The following NRF1 variants were observed in gnomAD, a reference collection of about 807,000 sequenced individuals.
NRF1 encodes the protein nuclear respiratory factor 1.
Under a neutral mutation model 58.5 loss-of-function variants are expected in NRF1, and 5 were observed. That is an observed-to-expected ratio of 0.09 (90% CI 0.04 to 0.18). NRF1 has a LOEUF of 0.18. NRF1 is among the 10% of genes least tolerant of loss of function. The pLI, the probability that NRF1 is intolerant of heterozygous loss-of-function variation, is 1.00. For missense variants in NRF1, 288 were observed against 657.7 expected (o/e 0.44, Z 6.15); for synonymous variants, 224 against 246.7 (o/e 0.91, Z 0.86).
intron 1 of NRF1, among the ~76,000 whole-genome samples, chr7:129,624,342 T>C (rs1800869123): frequency 6.6e-6 from 1 of 152,238 alleles, no homozygotes; most frequent in African/African-American, 2.4e-5. Context: ...TGAGAGTAGA[T>C]ACTGTGTTGG....
At chr7:129,671,873 T>C (rs1802055793) in intron 3 of NRF1, among the ~76,000 whole-genome samples, 1 of 151,966 alleles carries the variant, frequency 6.6e-6, no homozygotes, top group Non-Finnish European at 1.5e-5. Context: ...AAAAACAATA[T>C]GCAATATGTC....
At chr7:129,702,456 G>C (rs1292103657) in intron 5 of NRF1, among the ~76,000 whole-genome samples, 3 of 152,140 alleles carry the variant, frequency 2.0e-5, no homozygotes, top group African/African-American at 7.2e-5. Context: ...GAGATTAAGA[G>C]AAGCCAGTGT....
chr7:129,639,357 G>A (rs745637625), intron 1 of NRF1, among the ~76,000 whole-genome samples: 16 of 152,006 alleles, frequency 1.1e-4, no homozygotes, highest in Admixed American at 5.2e-4. Context: ...AGTAATTGGC[G>A]TGGTTCCAGT....
chr7:129,639,672 C>T (rs570439688), intron 1 of NRF1, among the ~76,000 whole-genome samples: 10 of 151,704 alleles, frequency 6.6e-5, no homozygotes, highest in Non-Finnish European at 1.0e-4. Flanking sequence ...CTCAGCCTCC[C>T]GAGTAGCTGG....
chr7:129,616,349 A>G (rs985158360), intron 1 of NRF1, among the ~76,000 whole-genome samples: 1 of 152,232 alleles, frequency 6.6e-6, no homozygotes, highest in Non-Finnish European at 1.5e-5. Flanking sequence ...TTGGGAGGCC[A>G]AGGCAGGAAG....
chr7:129,736,457 A>G (rs529498908), intron 10 of NRF1, among the ~76,000 whole-genome samples: 4 of 152,000 alleles, frequency 2.6e-5, no homozygotes, highest in Non-Finnish European at 5.9e-5. Context: ...GGGTTTCACC[A>G]TGTTGGCCAG....
chr7:129,721,682 T>C (rs1204545126), intron 9 of NRF1, among the ~76,000 whole-genome samples: 2 of 151,912 alleles, frequency 1.3e-5, no homozygotes, highest in Admixed American at 6.6e-5. Flanking sequence ...GGGGTTTCAC[T>C]GTGTTAGCCA....
chr7:129,702,430 T>G (rs1467225594), intron 5 of NRF1, among the ~76,000 whole-genome samples: 1 of 152,178 alleles, frequency 6.6e-6, no homozygotes, highest in Non-Finnish European at 1.5e-5. Flanking sequence ...TATGGGAATG[T>G]GTTTTTAGGG....
At chr7:129,690,755 CTT>C (rs1319145025) in intron 5 of NRF1, among the ~76,000 whole-genome samples, 1 of 152,018 alleles carries the variant, frequency 6.6e-6, no homozygotes, top group Non-Finnish European at 1.5e-5. Context: ...GTGGTCTCCT[CTT>C]TCTTCTGGCA....
At chr7:129,735,822 C>T (rs1257352262) in intron 10 of NRF1, among the ~76,000 whole-genome samples, 1 of 152,010 alleles carries the variant, frequency 6.6e-6, no homozygotes, top group African/African-American at 2.4e-5. Flanking sequence ...TCCTGACTAA[C>T]ACGGTGAAAC....
chr7:129,675,927 C>A (rs1198004991), intron 3 of NRF1, among the ~76,000 whole-genome samples: 1 of 152,230 alleles, frequency 6.6e-6, no homozygotes, highest in Non-Finnish European at 1.5e-5. Context: ...GTATCTTCTT[C>A]CAGTAGAAGG....
Position 129,696,295 on chromosome 7 carries a change from G to A in NRF1, c.606+5749G>A, listed in dbSNP as rs10230364. Among the ~76,000 whole-genome samples, 8 of 152,204 alleles carry A rather than the reference G, an allele frequency of 5.3e-5. No homozygotes were observed. In the South Asian group the frequency reaches 1.7e-3, roughly 32 times the overall value. On this transcript the variant is annotated intron_variant, in intron 5 of 10. Transcript: ENST00000393232. ...AAGTGCAAAGTTTGATAATGTTTCT[G>A]CTTTGTTTTACGCAAAGATTACTTT... is the stretch of plus-strand genomic sequence containing the variant.
chr7:129,614,339 C>T (rs1251426886), intron 1 of NRF1, among the ~76,000 whole-genome samples: 2 of 152,026 alleles, frequency 1.3e-5, no homozygotes, highest in African/African-American at 4.8e-5. Flanking sequence ...TGGTCTCGAA[C>T]TTCTGACCTA....
intron 5 of NRF1, among the ~76,000 whole-genome samples, chr7:129,692,492 G>A (rs182961317): frequency 6.6e-6 from 1 of 152,128 alleles, no homozygotes; most frequent in Non-Finnish European, 1.5e-5. Context: ...GGTTGAGGCT[G>A]CAGTGAGCCG....
At chr7:129,612,364 A>G (rs1800555014) in intron 1 of NRF1, among the ~76,000 whole-genome samples, 1 of 151,662 alleles carries the variant, frequency 6.6e-6, no homozygotes, top group South Asian at 2.1e-4. Flanking sequence ...CCTGCGGGAG[A>G]GGAGGCTGGC....
intron 5 of NRF1, among the ~76,000 whole-genome samples, chr7:129,705,658 G>A (rs1461800845): frequency 1.3e-5 from 2 of 152,134 alleles, no homozygotes; most frequent in African/African-American, 4.8e-5. Context: ...ACTCACACCT[G>A]AAATCCCAGC....
Position 129,662,153 on chromosome 7 carries a change from A to G in NRF1, c.223+4579A>G, listed in dbSNP as rs140368703. On this transcript the variant is annotated intron_variant, in intron 2 of 10. Coordinates refer to ENST00000393232, the MANE Select transcript of NRF1 (RefSeq NM_005011.5). ...TACCTCCCACTAGGTTCCTCCCACA[A>G]CATGTGGGAGTTATGAGAGTACAAT... 4.3e-4 allele frequency among the ~76,000 whole-genome samples: 65 copies of G among 151,898 alleles called. No individual in the cohort carries two copies. The East Asian group carries it at 0.012, about 28-fold the overall frequency.
chr7:129,754,272 G>A (rs1804193047), intron 10 of NRF1, among the ~76,000 whole-genome samples: 1 of 150,714 alleles, frequency 6.6e-6, no homozygotes, highest in South Asian at 2.1e-4. Flanking sequence ...ACCAGCCTGG[G>A]CAACACAGCA....
intron 4 of NRF1, among the ~76,000 whole-genome samples, chr7:129,678,673 T>G (rs1330726067): frequency 1.3e-5 from 2 of 152,180 alleles, no homozygotes; most frequent in East Asian, 3.8e-4. Context: ...AAATGGTGCC[T>G]GAGAAATAGC....
Sources: allele counts gnomAD v4.1 joint callset (sites outside exome capture counted in the v4.1 genomes callset), GRCh38; gene constraint gnomAD v4.1.1; transcripts MANE v1.5; gene names NCBI Gene and HGNC (gene_info 2026-07-23, HGNC 2026-07-21).